Variants in CHRNB2 observed in about 807,000 individuals in gnomAD.
The protein encoded by CHRNB2 is cholinergic receptor nicotinic beta 2 subunit.
A neutral mutation model predicts 42.7 loss-of-function variants in CHRNB2; 33 were observed. The ratio of observed to expected loss-of-function variants is 0.77; its 90% CI spans 0.59 to 1.03. CHRNB2 has a LOEUF of 1.03. CHRNB2 is among the 50% of genes least tolerant of loss of function. The probability of loss-of-function intolerance (pLI) is 0.00; values close to 1 mark genes in which losing one functional copy is unlikely to be tolerated. For synonymous variants in CHRNB2, 325 were observed against 292.9 expected (o/e 1.11, Z -1.12); for missense variants, 603 against 700.9 (o/e 0.86, Z 1.58).
At position 154,571,051 on chromosome 1, in the gene CHRNB2, T is replaced by A; in HGVS notation, c.366-138T>A. ...GCTCAATTCCACCTCTCTATACTCC[T>A]GGATGGTTACTCTCAGATCTGGGTG... On this transcript the variant is annotated intron_variant, in intron 4 of 5. Transcript: ENST00000368476. The surrounding 1 kb of genome is among the most constrained non-coding windows in gnomAD (Gnocchi z 6.8). 1 of 1,507,894 alleles carries A rather than the reference T, an allele frequency of 6.6e-7. No individual in the cohort carries two copies. Among genetic ancestry groups the A allele is most frequent in the Non-Finnish European group, 9.1e-7 (1 of 1,101,340 alleles). The allele number at this position is 1,507,894 out of a possible 1,614,324, so 93.4% of individuals were successfully genotyped here. A position where few individuals can be genotyped will look rare whatever the true frequency, so the allele number is the denominator to read the frequency against.
Position 154,571,370 on chromosome 1 carries a change from A to T in CHRNB2, c.547A>T (p.Ile183Phe), listed in dbSNP as rs794727707. 6.2e-7 allele frequency: 1 copy of T among 1,614,068 alleles called. No individual in the cohort carries two copies. Among genetic ancestry groups the T allele is most frequent in the African/African-American group, 1.3e-5 (1 of 74,916 alleles). ...FRSWTYDRTE[I>F]DLVLKSEVAS... Reference sequence around the variant, plus strand: ...TTCGTGGACCTACGACCGCACAGAGATCGACTTGGTGCTGAAGAGTGAGGT... The same window carrying T: ...TTCGTGGACCTACGACCGCACAGAGTTCGACTTGGTGCTGAAGAGTGAGGT... Residue 183 changes from isoleucine to phenylalanine, a missense_variant, in exon 5 of 6, where the codon ATC becomes TTC. This residue lies in a region of CHRNB2 where 333 missense variants were observed against 452.6 expected (regional missense o/e 0.74). Coordinates refer to ENST00000368476, the MANE Select transcript of CHRNB2 (RefSeq NM_000748.3). This position sits in a 1 kb window ranked among gnomAD's most constrained non-coding sequence, Gnocchi z 6.8.
chr1:154,575,664 G>A lies in CHRNB2; in HGVS notation c.1339-98G>A, dbSNP rs1571026210. 8 of 1,167,088 alleles carry A rather than the reference G, an allele frequency of 6.9e-6. No homozygotes were observed. In the East Asian group the frequency reaches 1.2e-4, roughly 17 times the overall value. 72.3% of individuals were successfully genotyped at this position (1,167,088 alleles called of 1,614,324 possible). ...ATCATTCTGGGATCACTGCAGGAGAGGAGTGGGGTGTGTGTCTGTGTGGTG... is the reference window on the plus strand; with the variant it reads ...ATCATTCTGGGATCACTGCAGGAGAAGAGTGGGGTGTGTGTCTGTGTGGTG... On this transcript the variant is annotated intron_variant, in intron 5 of 5. Coordinates refer to ENST00000368476, the MANE Select transcript of CHRNB2 (RefSeq NM_000748.3).
rs199928622 is a variant in CHRNB2 at position 154,571,907 on chromosome 1, C to T, written c.1084C>T (p.Arg362Cys). ...PRHHCARQRL[R>C]LRRRQREREG... ...CCATCATTGCGCCCGTCAGCGCCTGCGCCTGCGGCGACGCCAGCGTGAGCG... is the reference window on the plus strand; with the variant it reads ...CCATCATTGCGCCCGTCAGCGCCTGTGCCTGCGGCGACGCCAGCGTGAGCG... Residue 362 changes from arginine to cysteine, a missense_variant, in exon 5 of 6, where the codon CGC becomes TGC. Around this residue, in one of 2 missense-constraint regions of CHRNB2, gnomAD observed 270 missense variants for 248.3 expected, o/e 1.09. Coordinates refer to ENST00000368476, the MANE Select transcript of CHRNB2 (RefSeq NM_000748.3). The surrounding 1 kb of genome is among the most constrained non-coding windows in gnomAD (Gnocchi z 6.8). The T allele has an allele frequency of 1.7e-5, 27 of 1,575,608 alleles. No individual in the cohort carries two copies. The African/African-American group carries it at 3.4e-4, about 20-fold the overall frequency.
rs1018263199 is a variant in CHRNB2, at chr1:154,576,386, G to C, written c.*454G>C. On this transcript the variant is annotated 3_prime_UTR_variant, in exon 6 of 6. Coordinates refer to ENST00000368476, the MANE Select transcript of CHRNB2 (RefSeq NM_000748.3). ...CACAATGGTAGCTCTGAAGGGAGGG[G>C]AAGAGAGAGGCCTGGGTGTGACCTG... 1.0e-5 allele frequency: 3 copies of C among 287,440 alleles called. No homozygotes were observed. The highest frequency in any genetic ancestry group is 2.1e-5 in the Non-Finnish European group (3 of 145,870). The allele number at this position is 287,440 out of a possible 1,614,324, so 17.8% of individuals were successfully genotyped here. A position where few individuals can be genotyped will look rare whatever the true frequency, so the allele number is the denominator to read the frequency against.
At chr1:154,570,175 A>T in intron 3 of CHRNB2, 83 bp from the exon 4 acceptor site, 1 of 909,662 alleles carries the variant, frequency 1.1e-6, no homozygotes. Flanking sequence ...CTCAAGCCAT[A>T]TGGGCCCCCT....
intron 5 of CHRNB2, among the ~76,000 whole-genome samples, chr1:154,574,658 A>T (rs1696237887): frequency 2.0e-5 from 3 of 152,186 alleles, no homozygotes; most frequent in South Asian, 4.1e-4. Context: ...TCCTCCTTTT[A>T]TCTCAATCCT....
At position 154,571,032 on chromosome 1, in the gene CHRNB2, T is replaced by C. The variant is rs184884447; in HGVS notation, c.366-157T>C. On this transcript the variant is annotated intron_variant, in intron 4 of 5. Coordinates refer to ENST00000368476, the MANE Select transcript of CHRNB2 (RefSeq NM_000748.3). This position sits in a 1 kb window ranked among gnomAD's most constrained non-coding sequence, Gnocchi z 6.8. Reference sequence around the variant, plus strand: ...CTCCCCATATCCCCTTCTTGCTCAATTCCACCTCTCTATACTCCTGGATGG... The same window carrying C: ...CTCCCCATATCCCCTTCTTGCTCAACTCCACCTCTCTATACTCCTGGATGG... 2.4e-3 allele frequency among the ~76,000 whole-genome samples: 362 copies of C among 150,472 alleles called. No homozygotes were observed. The highest frequency in any genetic ancestry group is 3.5e-3 in the Non-Finnish European group (235 of 67,578).
In CHRNB2 at chr1:154,571,140, G is replaced by A; in HGVS notation, c.366-49G>A. ...CATTAGGGGCTGGGTTGATGGGTAA[G>A]GAGGAAGGAACGCTTAGGCCAGGGC... On this transcript the variant is annotated intron_variant, in intron 4 of 5. Transcript: ENST00000368476. The surrounding 1 kb of genome is among the most constrained non-coding windows in gnomAD (Gnocchi z 6.8). 6.2e-7 allele frequency: 1 copy of A among 1,613,520 alleles called. No homozygotes were observed. Among genetic ancestry groups the A allele is most frequent in the Non-Finnish European group, 8.5e-7 (1 of 1,180,016 alleles).
At chr1:154,572,902 G>A (rs1217714487) in intron 5 of CHRNB2, among the ~76,000 whole-genome samples, 1 of 152,102 alleles carries the variant, frequency 6.6e-6, no homozygotes. Flanking sequence ...AAGAGTTGGG[G>A]GGAGATATGA....
intron 5 of CHRNB2, among the ~76,000 whole-genome samples, chr1:154,574,141 TA>T (rs200302540): frequency 1.6e-4 from 25 of 151,704 alleles, no homozygotes; most frequent in African/African-American, 2.4e-4. Flanking sequence ...CCTTTTTCTT[TA>T]AAAAAAAATC....
chr1:154,569,919 C>T, intron 3 of CHRNB2, 83 bp downstream of exon 3: 1 of 1,513,164 alleles, frequency 6.6e-7, no homozygotes, highest in South Asian at 1.1e-5. Flanking sequence ...CTTTCTTAAT[C>T]TCTCAAAACA....
rs1196791623 is a variant in CHRNB2 at position 154,577,628 on chromosome 1, C to T, written c.*1696C>T. The T allele has an allele frequency of 6.6e-6, 1 of 152,402 alleles. No individual in the cohort carries two copies. The highest frequency in any genetic ancestry group is 1.5e-5 in the Non-Finnish European group (1 of 68,186). 9.4% of individuals were successfully genotyped at this position (152,402 alleles called of 1,614,324 possible). On this transcript the variant is annotated 3_prime_UTR_variant, in exon 6 of 6. Coordinates refer to ENST00000368476, the MANE Select transcript of CHRNB2 (RefSeq NM_000748.3). ...CATGAATGTTGAGTCTGACAGGCAA[C>T]TGGAGCTGGTGAGAATGGGGTCCCC...
At position 154,571,934 on chromosome 1, in the gene CHRNB2, G is replaced by T. The variant is rs1696175893; in HGVS notation, c.1111G>T (p.Glu371Ter). 1.3e-6 allele frequency: 2 copies of T among 1,552,088 alleles called. No individual in the cohort carries two copies. Among genetic ancestry groups the T allele is most frequent in the Non-Finnish European group, 1.7e-6 (2 of 1,153,804 alleles). The part of the protein sequence containing the change: ...LRLRRRQRER[E>*]GAGALFFREA... Reference sequence around the variant, plus strand: ...CCTGCGGCGACGCCAGCGTGAGCGCGAGGGCGCTGGAGCCCTCTTCTTCCG... The same window carrying T: ...CCTGCGGCGACGCCAGCGTGAGCGCTAGGGCGCTGGAGCCCTCTTCTTCCG... The change falls in exon 5 of 6, where the codon GAG becomes TAG. Residue 371 changes from glutamate to a stop codon, truncating the protein, a stop_gained. Transcript: ENST00000368476. LOFTEE classifies it high-confidence loss of function. The surrounding 1 kb of genome is among the most constrained non-coding windows in gnomAD (Gnocchi z 6.8).
At position 154,575,952 on chromosome 1, in the gene CHRNB2, GCT is replaced by G. The variant is rs1557853770; in HGVS notation, c.*23_*24del. 1.9e-6 allele frequency: 3 copies of G among 1,613,846 alleles called. No homozygotes were observed. Among genetic ancestry groups the G allele is most frequent in the Non-Finnish European group, 2.5e-6 (3 of 1,179,948 alleles). On this transcript the variant is annotated 3_prime_UTR_variant, in exon 6 of 6. Coordinates refer to ENST00000368476, the MANE Select transcript of CHRNB2 (RefSeq NM_000748.3). ...AAGTGAGGCCCTTCCTCATCTCCAT[GCT>G]CTTTCACCCTGCCACCCTCTGCTGC...
chr1:154,572,114 G>A lies in CHRNB2; in HGVS notation c.1291G>A (p.Val431Met). The A allele has an allele frequency of 1.3e-6, 2 of 1,537,422 alleles. No homozygotes were observed. The highest frequency in any genetic ancestry group is 2.0e-5 in the Admixed American group (1 of 50,986). Residue 431 changes from valine (V) to methionine (M), a missense_variant, in exon 5 of 6, where the codon GTG (valine) becomes ATG (methionine). Physicochemically the swap from Val to Met is conservative, Grantham distance 21. This residue lies in a region of CHRNB2 where 270 missense variants were observed against 248.3 expected (regional missense o/e 1.09). Transcript: ENST00000368476. The stretch of plus-strand genomic sequence containing the variant: ...TGGCCTCCGGGAGGCGGTGGACGGC[G>A]TGCGCTTCATCGCAGACCACATGCG... ...GCGLREAVDG[V>M]RFIADHMRSE...
At position 154,579,882 on chromosome 1, in the gene CHRNB2, G is replaced by C. The variant is rs1696358842; in HGVS notation, c.*3950G>C. ...CGTAAAGAAAGTTGTTTCCAAAGTT[G>C]TCTTGTCACTCTATTTGGGGGTTGG... On this transcript the variant is annotated 3_prime_UTR_variant, in exon 6 of 6. Transcript: ENST00000368476. 6.6e-6 allele frequency: 1 copy of C among 152,380 alleles called. No homozygotes were observed. The highest frequency in any genetic ancestry group is 2.1e-4 in the South Asian group (1 of 4,834). 9.4% of individuals were successfully genotyped at this position (152,380 alleles called of 1,614,324 possible).
Position 154,571,969 on chromosome 1 carries a change from A to G in CHRNB2, c.1146A>G (p.Pro382=), listed in dbSNP as rs201986342. 32 of 1,540,324 alleles carry G rather than the reference A, an allele frequency of 2.1e-5. No homozygotes were observed. The highest frequency in any genetic ancestry group is 2.5e-5 in the Non-Finnish European group (29 of 1,148,076). ...GAGALFFREA[P]GADSCTCFVN... is the part of the protein sequence containing the mutation. ...GAGCCCTCTTCTTCCGCGAAGCCCC[A>G]GGGGCCGACTCCTGCACGTGCTTCG... is the stretch of plus-strand genomic sequence containing the variant. The change falls in exon 5 of 6, where the codon CCA becomes CCG. Residue 382 remains proline (P), a synonymous_variant. Transcript: ENST00000368476. This position sits in a 1 kb window ranked among gnomAD's most constrained non-coding sequence, Gnocchi z 6.8.
chr1:154,578,036 G>C lies in CHRNB2; in HGVS notation c.*2104G>C, dbSNP rs532168074. 2 of 152,436 alleles carry C rather than the reference G, an allele frequency of 1.3e-5. No individual in the cohort carries two copies. Among genetic ancestry groups the C allele is most frequent in the South Asian group, 4.1e-4 (2 of 4,836 alleles). 9.4% of individuals were successfully genotyped at this position (152,436 alleles called of 1,614,324 possible). ...TCACGGACACCTTTTCTTGGTAGCA[G>C]GGAGTGTCTCTGCACTATGGAAACT... On this transcript the variant is annotated 3_prime_UTR_variant, in exon 6 of 6. Coordinates refer to ENST00000368476, the MANE Select transcript of CHRNB2 (RefSeq NM_000748.3).
chr1:154,578,124 G>A lies in CHRNB2; in HGVS notation c.*2192G>A, dbSNP rs1696316472. On this transcript the variant is annotated 3_prime_UTR_variant, in exon 6 of 6. Coordinates refer to ENST00000368476, the MANE Select transcript of CHRNB2 (RefSeq NM_000748.3). Reference sequence around the variant, plus strand: ...ATGCCTGAACCCTCCTTGAACTCATGGTCCTGGGGAAGGCGTCTTGGAACC... The same window carrying A: ...ATGCCTGAACCCTCCTTGAACTCATAGTCCTGGGGAAGGCGTCTTGGAACC... 1 of 152,248 alleles carries A rather than the reference G, an allele frequency of 6.6e-6. No homozygotes were observed. The highest frequency in any genetic ancestry group is 2.4e-5 in the African/African-American group (1 of 41,442). The allele number at this position is 152,248 out of a possible 1,614,324, so 9.4% of individuals were successfully genotyped here. A position where few individuals can be genotyped will look rare whatever the true frequency, so the allele number is the denominator to read the frequency against.
Sources: allele counts gnomAD v4.1 joint callset (sites outside exome capture counted in the v4.1 genomes callset), GRCh38; gene constraint gnomAD v4.1.1; regional missense constraint gnomAD v4.1.1; non-coding constraint Gnocchi (gnomAD v3.1); transcripts MANE v1.5; gene names NCBI Gene and HGNC (gene_info 2026-07-23, HGNC 2026-07-21).